The following ORAI2 variants were observed in gnomAD, a reference collection of about 807,000 sequenced individuals.
ORAI2 encodes protein orai-2.
In ORAI2, 10 loss-of-function variants were observed where a neutral mutation model predicts 16.2. The ratio of observed to expected loss-of-function variants is 0.62; its 90% CI spans 0.38 to 1.04. The LOEUF is 1.04. Among genes scored for constraint, ORAI2 ranks in the 50% least tolerant of loss-of-function variants. The pLI is 0.01. For synonymous variants in ORAI2, 150 were observed against 157.5 expected, an observed-to-expected ratio of 0.95 and a Z score of 0.35; for missense variants, 238 against 355.5, an observed-to-expected ratio of 0.67 and a Z score of 2.66.
intron 2 of ORAI2, among the ~76,000 whole-genome samples, chr7:102,437,556 A>G (rs953632917): frequency 6.6e-6 from 1 of 152,200 alleles, no homozygotes; most frequent in Non-Finnish European, 1.5e-5. Flanking sequence ...CGGAGGTTGC[A>G]GTGAGCCGAA....
chr7:102,437,525 G>A (rs1237313869), intron 2 of ORAI2, among the ~76,000 whole-genome samples: 1 of 152,162 alleles, frequency 6.6e-6, no homozygotes, highest in Non-Finnish European at 1.5e-5. Context: ...TGAGGCAGGA[G>A]AACGGCTTCA....
At position 102,446,569 on chromosome 7, in the gene ORAI2, G is replaced by T. The variant is rs1455980098; in HGVS notation, c.282G>T (p.Leu94=). The T allele has an allele frequency of 6.2e-7, 1 of 1,613,392 alleles. No individual in the cohort carries two copies. Among genetic ancestry groups the T allele is most frequent in the East Asian group, 2.2e-5 (1 of 44,884 alleles). The change falls in exon 4 of 4, where the codon CTG becomes CTT. Residue 94 remains leucine, a synonymous_variant. Transcript: ENST00000495936. ...AGTACCAGTACCCGCGGCCGCTGCT[G>T]ATTGCCTTCAGCGCCTGCACCACGG... The part of the protein sequence containing the change: ...ETQYQYPRPL[L]IAFSACTTVL...
At position 102,442,944 on chromosome 7, in the gene ORAI2, C is replaced by T. The variant is rs1379598870; in HGVS notation, c.226-3569C>T. Among the ~76,000 whole-genome samples the T allele has an allele frequency of 5.3e-5, 8 of 151,584 alleles. No homozygotes were observed. The East Asian group carries it at 7.8e-4, about 15-fold the overall frequency. On this transcript the variant is annotated intron_variant, in intron 3 of 3. Transcript: ENST00000495936. ...CTGAGGAAGGAGAATCACTTGAACC[C>T]GGGAAGCAGAGGTTGCAGTGAGCCG...
intron 3 of ORAI2, 136 bp downstream of exon 3, chr7:102,439,317 C>T (rs4584084): frequency 0.23 from 164,135 of 712,996 alleles, 20,802 homozygotes; most frequent in East Asian, 0.36. Context: ...CATCCACCCA[C>T]GTCCCAGCTG....
At position 102,448,278 on chromosome 7, in the gene ORAI2, C is replaced by A. The variant is rs1366451696; in HGVS notation, c.*1226C>A. 1 of 152,304 alleles carries A rather than the reference C, an allele frequency of 6.6e-6. No homozygotes were observed. Among genetic ancestry groups the A allele is most frequent in the Non-Finnish European group, 1.5e-5 (1 of 68,094 alleles). The allele number at this position is 152,304 out of a possible 1,614,324, so 9.4% of individuals were successfully genotyped here. On this transcript the variant is annotated 3_prime_UTR_variant, in exon 4 of 4. Transcript: ENST00000495936. ...TTTTCCTTGAAGGCATCTGGTAGAC[C>A]CGAAGCCACGCTCTCGGGCCGCACA...
At chr7:102,434,213 T>A (rs1297125014) in intron 1 of ORAI2, among the ~76,000 whole-genome samples, 1 of 143,426 alleles carries the variant, frequency 7.0e-6, no homozygotes, top group African/African-American at 2.6e-5. Flanking sequence ...AGTACAGGGC[T>A]CCATCCTGCC....
At chr7:102,440,110 A>C (rs1047609674) in intron 3 of ORAI2, among the ~76,000 whole-genome samples, 3 of 152,134 alleles carry the variant, frequency 2.0e-5, no homozygotes, top group Non-Finnish European at 2.9e-5. Context: ...TTAAAAAGAT[A>C]AAATCAAATC....
chr7:102,445,700 G>A (rs190181922), intron 3 of ORAI2, among the ~76,000 whole-genome samples: 14 of 146,718 alleles, frequency 9.5e-5, no homozygotes, highest in Middle Eastern at 4.3e-3. Flanking sequence ...CCAGCAGCCT[G>A]GAATTCCTGG....
chr7:102,436,181 G>T (rs564437054), intron 1 of ORAI2, 44 bp from the exon 2 acceptor site: 5 of 323,740 alleles, frequency 1.5e-5, no homozygotes, highest in Non-Finnish European at 2.2e-5. Context: ...CTATTATGTG[G>T]AGCTAACCTA....
intron 3 of ORAI2, among the ~76,000 whole-genome samples, chr7:102,444,172 T>C (rs1797284150): frequency 6.6e-6 from 1 of 152,162 alleles, no homozygotes; most frequent in Admixed American, 6.5e-5. Context: ...CAGGCTGGGG[T>C]GCAGTGGTAC....
chr7:102,446,623 C>A lies in ORAI2; in HGVS notation c.336C>A (p.Leu112=). The A allele has an allele frequency of 4.3e-6, 7 of 1,614,034 alleles. No homozygotes were observed. Among genetic ancestry groups the A allele is most frequent in the Non-Finnish European group, 5.9e-6 (7 of 1,180,028 alleles). The change falls in exon 4 of 4, where the codon CTC becomes CTA. Residue 112 remains leucine (L), a synonymous_variant. Transcript: ENST00000495936. ...TVLVAVHLFA[L]LISTCILPNV... ...TGGTGGCCGTGCACCTGTTCGCCCT[C>A]CTCATCAGCACCTGCATCCTGCCCA... is the stretch of plus-strand genomic sequence containing the variant.
In ORAI2 at chr7:102,447,035, A is replaced by G; in HGVS notation, c.748A>G (p.Ser250Gly). The change falls in exon 4 of 4, where the codon AGC (serine) becomes GGC (glycine). Residue 250 changes from serine (S) to glycine (G), a missense_variant. Physicochemically the swap from Ser to Gly is moderately conservative, Grantham distance 56. Transcript: ENST00000495936. ...LKVQLDGHER[S>G]LQVL ...GGTCCAGCTGGACGGGCATGAGCGC[A>G]GCCTGCAGGTCTTGTGAGGGGCCGA... is the stretch of plus-strand genomic sequence containing the variant. 1 of 1,548,510 alleles carries G rather than the reference A, an allele frequency of 6.5e-7. No homozygotes were observed. The highest frequency in any genetic ancestry group is 1.7e-4 in the Middle Eastern group (1 of 5,956).
rs1265981449 is a variant in ORAI2 at position 102,449,990 on chromosome 7, T to G, written c.*2938T>G. On this transcript the variant is annotated 3_prime_UTR_variant, in exon 4 of 4. Coordinates refer to ENST00000495936, the MANE Select transcript of ORAI2 (RefSeq NM_001126340.3). Reference sequence around the variant, plus strand: ...AATACAAAAAATTAGCTGGGTGTGGTGGCGCTCGCCTGTAGTCCCAGCTAC... The same window carrying G: ...AATACAAAAAATTAGCTGGGTGTGGGGGCGCTCGCCTGTAGTCCCAGCTAC... The G allele has an allele frequency of 1.3e-5, 2 of 152,052 alleles. No homozygotes were observed. Among genetic ancestry groups the G allele is most frequent in the Admixed American group, 1.3e-4 (2 of 15,242 alleles). The allele number at this position is 152,052 out of a possible 1,614,324, so 9.4% of individuals were successfully genotyped here.
In ORAI2 at chr7:102,447,023, G is replaced by A. The variant is rs1448769482; in HGVS notation, c.736G>A (p.Gly246Arg). The A allele has an allele frequency of 6.4e-7, 1 of 1,557,770 alleles. No homozygotes were observed. The highest frequency in any genetic ancestry group is 8.7e-7 in the Non-Finnish European group (1 of 1,155,196). ...CCACAAGCTCAAGGTCCAGCTGGAC[G>A]GGCATGAGCGCAGCCTGCAGGTCTT... is the stretch of plus-strand genomic sequence containing the variant. ...ELHKLKVQLD[G>R]HERSLQVL The change falls in exon 4 of 4, where the codon GGG becomes AGG. Residue 246 changes from glycine to arginine, a missense_variant. Coordinates refer to ENST00000495936, the MANE Select transcript of ORAI2 (RefSeq NM_001126340.3).
Position 102,455,614 on chromosome 7 carries a change from C to T in ORAI2, c.*8562C>T, listed in dbSNP as rs1045926448. 6.6e-6 allele frequency: 1 copy of T among 152,304 alleles called. No homozygotes were observed. The highest frequency in any genetic ancestry group is 1.5e-5 in the Non-Finnish European group (1 of 68,076). The allele number at this position is 152,304 out of a possible 1,614,324, so 9.4% of individuals were successfully genotyped here. On this transcript the variant is annotated 3_prime_UTR_variant, in exon 4 of 4. Coordinates refer to ENST00000495936, the MANE Select transcript of ORAI2 (RefSeq NM_001126340.3). ...GGGGCAGAGACCCTGCACTGGCCCC[C>T]TCGAGAGTGGACCCCTGGGCTGGCT...
intron 3 of ORAI2, among the ~76,000 whole-genome samples, chr7:102,443,093 T>C (rs1797250622): frequency 7.1e-5 from 1 of 14,164 alleles, no homozygotes; most frequent in Non-Finnish European, 2.9e-4. Flanking sequence ...TTCTCTTTTC[T>C]TCTTCTTCTT....
At chr7:102,442,853 G>A (rs1176333658) in intron 3 of ORAI2, among the ~76,000 whole-genome samples, 4 of 134,970 alleles carry the variant, frequency 3.0e-5, no homozygotes, top group African/African-American at 1.1e-4. Context: ...GGGAGACTCC[G>A]TCTCAAAAAA....
chr7:102,434,431 CTG>C (rs1396574771), intron 1 of ORAI2, among the ~76,000 whole-genome samples: 2 of 152,228 alleles, frequency 1.3e-5, no homozygotes, highest in Non-Finnish European at 2.9e-5. Flanking sequence ...CCCACCCACT[CTG>C]GGGACATCTG....
rs1170068108 is a variant in ORAI2 at position 102,454,799 on chromosome 7, T to C, written c.*7747T>C. ...CTGGTCTGCTGAGGAAAGTGTCTGA[T>C]GGATGCGGAAATGGCCACCCCAAAC... On this transcript the variant is annotated 3_prime_UTR_variant, in exon 4 of 4. Coordinates refer to ENST00000495936, the MANE Select transcript of ORAI2 (RefSeq NM_001126340.3). 6.6e-6 allele frequency: 1 copy of C among 152,344 alleles called. No homozygotes were observed. Among genetic ancestry groups the C allele is most frequent in the African/African-American group, 2.4e-5 (1 of 41,464 alleles). The allele number at this position is 152,344 out of a possible 1,614,324, so 9.4% of individuals were successfully genotyped here.
Sources: allele counts gnomAD v4.1 joint callset (sites outside exome capture counted in the v4.1 genomes callset), GRCh38; gene constraint gnomAD v4.1.1; transcripts MANE v1.5; gene names NCBI Gene and HGNC (gene_info 2026-07-23, HGNC 2026-07-21).